CARD8: variants seen among roughly 807,000 people sequenced by gnomAD.
The protein encoded by CARD8 is caspase recruitment domain-containing protein 8.
CARD8 carries 38 observed loss-of-function variants against 53.2 expected under a neutral mutation model. That is an observed-to-expected ratio of 0.71 (90% CI 0.55 to 0.94). The LOEUF is 0.94. CARD8 is among the 40% of genes least tolerant of loss of function. The pLI, the probability that CARD8 is intolerant of heterozygous loss-of-function variation, is 0.00. For missense variants in CARD8, 561 were observed against 655.5 expected, an observed-to-expected ratio of 0.86 and a Z score of 1.57; for synonymous variants, 245 against 244.9, an observed-to-expected ratio of 1.00 and a Z score of 0.00.
At chr19:48,254,831 C>T (rs757238639) in intron 1 of CARD8, among the ~76,000 whole-genome samples, 1 of 152,148 alleles carries the variant, frequency 6.6e-6, no homozygotes, top group African/African-American at 2.4e-5. Flanking sequence ...ACAAAACCCA[C>T]AACCTTACAT....
At chr19:48,236,622 A>G (rs1208493645) in intron 5 of CARD8, among the ~76,000 whole-genome samples, 1 of 152,222 alleles carries the variant, frequency 6.6e-6, no homozygotes, top group Non-Finnish European at 1.5e-5. Flanking sequence ...GCATGGACCA[A>G]GCAAGACTGA....
rs12610454 is a variant in CARD8 at position 48,225,629 on chromosome 19, G to C, written c.1036-3774C>G. Among the ~76,000 whole-genome samples, 39 of 152,206 alleles carry C rather than the reference G, an allele frequency of 2.6e-4. No homozygotes were observed. The East Asian group carries it at 7.0e-3, about 27-fold the overall frequency. On this transcript the variant is annotated intron_variant, in intron 10 of 13. Coordinates refer to ENST00000651546, the MANE Select transcript of CARD8 (RefSeq NM_001184900.3). Reference sequence around the variant, plus strand: ...CCAGTCTTGCAAGGGAAACACAAAGGGTAAGAGCCCAGAAGCAGGAATTCT... The same window carrying C: ...CCAGTCTTGCAAGGGAAACACAAAGCGTAAGAGCCCAGAAGCAGGAATTCT...
At chr19:48,230,126 AAAC>A (rs1397831678) in intron 10 of CARD8, among the ~76,000 whole-genome samples, 2 of 152,058 alleles carry the variant, frequency 1.3e-5, no homozygotes, top group Non-Finnish European at 2.9e-5. Context: ...AAAAAGAAAA[AAAC>A]AACCTGGTGA....
At chr19:48,225,549 G>A (rs913834070) in intron 10 of CARD8, among the ~76,000 whole-genome samples, 1 of 152,020 alleles carries the variant, frequency 6.6e-6, no homozygotes, top group Non-Finnish European at 1.5e-5. Flanking sequence ...AAAGGCTTTC[G>A]GAAGCAGAAA....
chr19:48,248,499 A>G (rs1463795613), intron 3 of CARD8, among the ~76,000 whole-genome samples: 1 of 152,268 alleles, frequency 6.6e-6, no homozygotes, highest in African/African-American at 2.4e-5. Context: ...GTTAAAATTC[A>G]CTAGTAATCA....
chr19:48,232,414 T>C (rs1478649388), intron 7 of CARD8, 39 bp downstream of exon 7: 1 of 1,507,736 alleles, frequency 6.6e-7, no homozygotes, highest in Non-Finnish European at 8.9e-7. Context: ...TTTCCATCAA[T>C]CCACACGCCC....
In CARD8 at chr19:48,211,702, G is replaced by T; in HGVS notation, c.*8C>A. On this transcript the variant is annotated 3_prime_UTR_variant, in exon 14 of 14. Coordinates refer to ENST00000651546, the MANE Select transcript of CARD8 (RefSeq NM_001184900.3). ...ATTCTCTCTTCCAGACTACCTAACT[G>T]ACTCATTTTACAAATTCTGCTGTCT... 6.2e-7 allele frequency: 1 copy of T among 1,612,412 alleles called. No individual in the cohort carries two copies. The highest frequency in any genetic ancestry group is 1.1e-5 in the South Asian group (1 of 90,896).
At chr19:48,229,130 C>CT (rs2042357022) in intron 10 of CARD8, among the ~76,000 whole-genome samples, 1 of 151,960 alleles carries the variant, frequency 6.6e-6, no homozygotes, top group Admixed American at 6.6e-5. Context: ...GAACAAGACT[C>CT]TGTCTCAAAA....
At chr19:48,238,213 G>T in intron 5 of CARD8, 170 bp downstream of exon 5, 1 of 1,245,556 alleles carries the variant, frequency 8.0e-7, no homozygotes, top group Non-Finnish European at 1.1e-6. Flanking sequence ...CTTCTTATGA[G>T]ATACAAACTC....
At chr19:48,230,350 T>C in intron 10 of CARD8, 88 bp downstream of exon 10, 2 of 1,423,712 alleles carry the variant, frequency 1.4e-6, no homozygotes, top group Non-Finnish European at 1.9e-6. Context: ...CCTTGCCCTT[T>C]CTGTTCCACG....
chr19:48,234,656 A>T (rs1391896466), intron 5 of CARD8, 113 bp from the exon 6 acceptor site: 9 of 982,948 alleles, frequency 9.2e-6, no homozygotes, highest in Admixed American at 5.8e-5. Flanking sequence ...ATTTTATCTT[A>T]GGGAAGTCAT....
chr19:48,204,752 G>C (rs549098484), downstream of CARD8, among the ~76,000 whole-genome samples: 6 of 152,248 alleles, frequency 3.9e-5, no homozygotes, highest in African/African-American at 1.4e-4. Context: ...GTAAAGAGAA[G>C]CTGGAAGTTT....
At chr19:48,217,479 CAACTT>C (rs1388062452) in intron 12 of CARD8, among the ~76,000 whole-genome samples, 1 of 152,176 alleles carries the variant, frequency 6.6e-6, no homozygotes, top group Non-Finnish European at 1.5e-5. Context: ...TCACTGCATA[CAACTT>C]ATCTTCATAT....
At chr19:48,250,839 A>G (rs1465161077) in intron 1 of CARD8, among the ~76,000 whole-genome samples, 1 of 152,204 alleles carries the variant, frequency 6.6e-6, no homozygotes, top group Non-Finnish European at 1.5e-5. Flanking sequence ...TTTTGTTAGG[A>G]GCTGCACCTC....
chr19:48,250,857 A>T (rs1488755225), intron 1 of CARD8, among the ~76,000 whole-genome samples: 1 of 152,236 alleles, frequency 6.6e-6, no homozygotes, highest in African/African-American at 2.4e-5. Flanking sequence ...CTCTGAAAAA[A>T]TTTAACAAGT....
intron 8 of CARD8, among the ~76,000 whole-genome samples, chr19:48,231,449 C>G (rs113230014): frequency 2.0e-5 from 3 of 152,054 alleles, no homozygotes; most frequent in Admixed American, 2.0e-4. Context: ...GGACTACACG[C>G]GGGTGCCACC....
chr19:48,206,517 A>G (rs779255164), downstream of CARD8: 17 of 461,114 alleles, frequency 3.7e-5, no homozygotes, highest in Non-Finnish European at 7.1e-5. Flanking sequence ...CCACATCCTC[A>G]CTCCTGTGAT....
intron 5 of CARD8, among the ~76,000 whole-genome samples, chr19:48,235,277 T>C (rs1030033496): frequency 6.6e-6 from 1 of 152,172 alleles, no homozygotes; most frequent in Non-Finnish European, 1.5e-5. Flanking sequence ...GTGTCCTTTA[T>C]GCCAAGATAT....
chr19:48,225,137 C>CATAA (rs75353391), intron 10 of CARD8, among the ~76,000 whole-genome samples: 104,833 of 151,042 alleles, frequency 0.69, 36,487 homozygotes, highest in African/African-American at 0.76. Flanking sequence ...AGAAGCAGAT[C>CATAA]ATAAATAAAT....
Sources: allele counts gnomAD v4.1 joint callset (sites outside exome capture counted in the v4.1 genomes callset), GRCh38; gene constraint gnomAD v4.1.1; transcripts MANE v1.5; gene names NCBI Gene and HGNC (gene_info 2026-07-23, HGNC 2026-07-21).